Variants in RELN observed in about 807,000 individuals in gnomAD.
RELN encodes the protein reelin.
RELN carries 108 observed loss-of-function variants against 427.6 expected under a neutral mutation model. The ratio of observed to expected loss-of-function variants is 0.25; its 90% CI spans 0.22 to 0.30. The LOEUF is 0.30. Ranked by LOEUF, RELN falls within the 10% of genes least tolerant of loss-of-function variation. The pLI is 1.00. For synonymous variants in RELN, 1,524 were observed against 1,513.4 expected, an observed-to-expected ratio of 1.01 and a Z score of -0.16; for missense variants, 3,715 against 4,302.8, an observed-to-expected ratio of 0.86 and a Z score of 3.82.
intron 20 of RELN, among the ~76,000 whole-genome samples, chr7:103,613,378 T>G (rs564709853): frequency 1.3e-5 from 2 of 152,356 alleles, no homozygotes; most frequent in South Asian, 4.1e-4. Flanking sequence ...GATACTCTGA[T>G]GTTAAAAATA....
chr7:103,556,903 C>T (rs1273240187), intron 38 of RELN, 74 bp downstream of exon 38: 15 of 1,252,422 alleles, frequency 1.2e-5, no homozygotes, highest in Non-Finnish European at 1.8e-5. Context: ...CAAACACTTC[C>T]TCCACACCTT....
intron 40 of RELN, 64 bp downstream of exon 40, chr7:103,553,397 C>T: frequency 4.1e-6 from 5 of 1,231,330 alleles, no homozygotes; most frequent in South Asian, 2.5e-5. Flanking sequence ...AGATTTTCCT[C>T]CCCTTTCCTA....
At chr7:103,769,663 T>C (rs1007527189) in intron 4 of RELN, among the ~76,000 whole-genome samples, 19 of 152,302 alleles carry the variant, frequency 1.2e-4, no homozygotes, top group South Asian at 2.1e-4. Flanking sequence ...AAGAAAAAAG[T>C]AGCCTCTGAC....
intron 6 of RELN, 44 bp downstream of exon 6, chr7:103,749,382 G>T (rs556675755): frequency 6.9e-7 from 1 of 1,440,886 alleles, no homozygotes; most frequent in Non-Finnish European, 9.8e-7. Context: ...AGCATCATTT[G>T]TTACATTAAG....
intron 1 of RELN, among the ~76,000 whole-genome samples, chr7:103,957,100 G>A (rs370188773): frequency 8.5e-5 from 13 of 152,132 alleles, no homozygotes; most frequent in South Asian, 2.1e-4. Context: ...GAGGGACACC[G>A]GGGTGTTTGC....
At chr7:103,617,707 A>C (rs969710210) in intron 20 of RELN, among the ~76,000 whole-genome samples, 6 of 151,878 alleles carry the variant, frequency 4.0e-5, no homozygotes, top group Non-Finnish European at 7.4e-5. Context: ...CCTGTTAATT[A>C]CTGCTATAGT....
At chr7:103,574,821 T>G (rs904773482) in intron 29 of RELN, among the ~76,000 whole-genome samples, 3 of 151,368 alleles carry the variant, frequency 2.0e-5, no homozygotes, top group African/African-American at 7.3e-5. Context: ...GGAAAAATAA[T>G]AAAAAAAAAG....
At chr7:103,879,804 A>C (rs1794565323) in intron 2 of RELN, among the ~76,000 whole-genome samples, 1 of 152,142 alleles carries the variant, frequency 6.6e-6, no homozygotes, top group Non-Finnish European at 1.5e-5. Context: ...GACATATTTT[A>C]ATTTTTTAAT....
intron 1 of RELN, among the ~76,000 whole-genome samples, chr7:103,963,256 C>T (rs1286876225): frequency 6.6e-6 from 1 of 151,630 alleles, no homozygotes; most frequent in African/African-American, 2.4e-5. Flanking sequence ...ATAAGACAAA[C>T]CTTAAACCCA....
chr7:103,489,432 G>A (rs1828573504), intron 60 of RELN, among the ~76,000 whole-genome samples: 1 of 152,146 alleles, frequency 6.6e-6, no homozygotes, highest in Admixed American at 6.5e-5. Flanking sequence ...GGAGTTATAT[G>A]AAAGACAGAG....
intron 2 of RELN, among the ~76,000 whole-genome samples, chr7:103,900,858 C>T (rs1255637149): frequency 6.6e-6 from 1 of 151,974 alleles, no homozygotes; most frequent in East Asian, 1.9e-4. Context: ...GGATCAAAAA[C>T]TTAAATGTAA....
intron 46 of RELN, among the ~76,000 whole-genome samples, chr7:103,533,580 A>C (rs1829985920): frequency 6.6e-6 from 1 of 152,140 alleles, no homozygotes; most frequent in African/African-American, 2.4e-5. Context: ...TGTCACCTTT[A>C]AGACAATTGT....
At chr7:103,508,009 C>G (rs779522707) in intron 51 of RELN, among the ~76,000 whole-genome samples, 1 of 152,116 alleles carries the variant, frequency 6.6e-6, no homozygotes, top group Admixed American at 6.5e-5. Flanking sequence ...CTGAATAGAC[C>G]AATAACAATT....
chr7:103,906,025 G>A (rs1795197457), intron 2 of RELN, among the ~76,000 whole-genome samples: 1 of 152,144 alleles, frequency 6.6e-6, no homozygotes, highest in Non-Finnish European at 1.5e-5. Context: ...AAAAGAGCTG[G>A]AATTTTGAAG....
At position 103,737,492 on chromosome 7, in the gene RELN, T is replaced by C. The variant is rs1790524580; in HGVS notation, c.657-9285A>G. ...ATGGCATGGGGGTTGTCCAAGATAC[T>C]AATGAACTATAAAGTGGTTTTACTG... On this transcript the variant is annotated intron_variant, in intron 6 of 64. Transcript: ENST00000428762. 2.0e-5 allele frequency among the ~76,000 whole-genome samples: 3 copies of C among 152,232 alleles called. No individual in the cohort carries two copies. In the South Asian group the frequency reaches 6.2e-4, roughly 31 times the overall value.
chr7:103,596,130 A>T (rs1384481688), intron 25 of RELN, among the ~76,000 whole-genome samples: 1 of 152,234 alleles, frequency 6.6e-6, no homozygotes, highest in East Asian at 1.9e-4. Context: ...TGCATTAAAA[A>T]TAATCAAACA....
At chr7:103,769,739 C>T (rs898109830) in intron 4 of RELN, among the ~76,000 whole-genome samples, 1 of 152,208 alleles carries the variant, frequency 6.6e-6, no homozygotes, top group Non-Finnish European at 1.5e-5. Flanking sequence ...TAAACAATTT[C>T]ACAGAACATC....
chr7:103,883,368 G>T (rs554312063), intron 2 of RELN, among the ~76,000 whole-genome samples: 2 of 152,124 alleles, frequency 1.3e-5, no homozygotes, highest in African/African-American at 2.4e-5. Context: ...TTTGAAAACC[G>T]GCGCAAGACA....
At chr7:103,733,977 T>C (rs571994799) in intron 6 of RELN, among the ~76,000 whole-genome samples, 1 of 152,302 alleles carries the variant, frequency 6.6e-6, no homozygotes. Flanking sequence ...ACAAGTAATC[T>C]GAAATTCTAC....
Sources: allele counts gnomAD v4.1 joint callset (sites outside exome capture counted in the v4.1 genomes callset), GRCh38; gene constraint gnomAD v4.1.1; transcripts MANE v1.5; gene names NCBI Gene and HGNC (gene_info 2026-07-23, HGNC 2026-07-21).